The following HEATR6 variants were observed in gnomAD, a reference collection of about 807,000 sequenced individuals.
The protein encoded by HEATR6 is HEAT repeat-containing protein 6.
Under a neutral mutation model 132.8 loss-of-function variants are expected in HEATR6, and 106 were observed. The ratio of observed to expected loss-of-function variants is 0.80; its 90% CI spans 0.68 to 0.94. HEATR6 has a LOEUF of 0.94. Among genes scored for constraint, HEATR6 ranks in the 40% least tolerant of loss-of-function variants. The pLI is 0.00. For missense variants in HEATR6, 1,339 were observed against 1,425.1 expected (o/e 0.94, Z 0.97); for synonymous variants, 529 against 537.8 (o/e 0.98, Z 0.23).
chr17:60,075,914 G>C (rs2083293757), intron 2 of HEATR6: 1 of 362,374 alleles, frequency 2.8e-6, no homozygotes, highest in South Asian at 5.3e-5. Context: ...CAAACAGAAA[G>C]GCATACTTCT....
chr17:60,061,739 G>A (rs1308139533), intron 9 of HEATR6, among the ~76,000 whole-genome samples: 3 of 152,234 alleles, frequency 2.0e-5, no homozygotes, highest in Non-Finnish European at 4.4e-5. Context: ...ACCATTCTTA[G>A]CTAACAGGCT....
In HEATR6 at chr17:60,073,668, T is replaced by C. The variant is rs373906464; in HGVS notation, c.468+78A>G. The C allele has an allele frequency of 9.3e-6, 13 of 1,396,486 alleles. No homozygotes were observed. In the African/African-American group the frequency reaches 1.6e-4, roughly 17 times the overall value. 86.5% of individuals were successfully genotyped at this position (1,396,486 alleles called of 1,614,324 possible). A position where few individuals can be genotyped will look rare whatever the true frequency, so the allele number is the denominator to read the frequency against. Reference sequence around the variant, plus strand: ...GAATTGCTAGAGATTAGTGGCAAGATAGAAACCTGAACACAGTGTTGGCAC... The same window carrying C: ...GAATTGCTAGAGATTAGTGGCAAGACAGAAACCTGAACACAGTGTTGGCAC... On this transcript the variant is annotated intron_variant, in intron 3 of 19. Transcript: ENST00000184956.
chr17:60,070,069 ATTTGG>A (rs1174261086), intron 6 of HEATR6, among the ~76,000 whole-genome samples: 1 of 152,168 alleles, frequency 6.6e-6, no homozygotes, highest in Non-Finnish European at 1.5e-5. Flanking sequence ...CTCCAGCTGG[ATTTGG>A]TTTGGTCAGA....
chr17:60,064,305 TCAAACAAA>T (rs60109778), intron 9 of HEATR6: 14 of 164,336 alleles, frequency 8.5e-5, no homozygotes, highest in African/African-American at 2.9e-4. Context: ...AAACTCTGTC[TCAAACAAA>T]CAAACAAACA....
At chr17:60,055,947 C>T (rs1373536371) in intron 13 of HEATR6, among the ~76,000 whole-genome samples, 168 bp downstream of exon 13, 2 of 152,088 alleles carry the variant, frequency 1.3e-5, no homozygotes, top group African/African-American at 4.8e-5. Context: ...GAGCCGAAAA[C>T]AGAAGAATGC....
chr17:60,078,776 A>T lies in HEATR6; in HGVS notation c.139T>A (p.Ser47Thr). The T allele has an allele frequency of 6.3e-7, 1 of 1,578,722 alleles. No individual in the cohort carries two copies. The highest frequency in any genetic ancestry group is 8.6e-7 in the Non-Finnish European group (1 of 1,164,288). The change falls in exon 1 of 20, where the codon TCC becomes ACC. Residue 47 changes from serine to threonine, a missense_variant. Transcript: ENST00000184956. ...LCALRPDDSS[S>T]ARTEIHLLFD... ...AGCAGGTGGATCTCGGTGCGGGCGG[A>T]GCTGCTGTCATCCGGGCGCAGGGCG...
chr17:60,048,356 T>C lies in HEATR6; in HGVS notation c.2580A>G (p.Ala860=). The change falls in exon 17 of 20, where the codon GCA becomes GCG. Residue 860 remains alanine, a synonymous_variant. Transcript: ENST00000184956. ...DVIFVADAAN[A]ILMSLEDKSL... ...ACTTGTCTTCAAGTGACATCAATATTGCATTTGCTGCGTCTGCAACAAATA... is the reference window on the plus strand; with the variant it reads ...ACTTGTCTTCAAGTGACATCAATATCGCATTTGCTGCGTCTGCAACAAATA... The C allele has an allele frequency of 6.2e-7, 1 of 1,612,772 alleles. No homozygotes were observed. Among genetic ancestry groups the C allele is most frequent in the Non-Finnish European group, 8.5e-7 (1 of 1,178,978 alleles).
chr17:60,041,521 A>C lies in HEATR6; in HGVS notation c.*2042T>G, dbSNP rs763274549. On this transcript the variant is annotated 3_prime_UTR_variant, in exon 20 of 20. Coordinates refer to ENST00000184956, the MANE Select transcript of HEATR6 (RefSeq NM_022070.5). Reference sequence around the variant, plus strand: ...AGAGACGGAAGTTCCAAGATTCATCACAGGGTCAGGTGGGCTCAACTTAGT... The same window carrying C: ...AGAGACGGAAGTTCCAAGATTCATCCCAGGGTCAGGTGGGCTCAACTTAGT... Among the ~76,000 whole-genome samples, 16 of 152,186 alleles carry C rather than the reference A, an allele frequency of 1.1e-4. No individual in the cohort carries two copies. The highest frequency in any genetic ancestry group is 1.6e-4 in the Non-Finnish European group (11 of 68,032).
chr17:60,041,059 CT>C lies in HEATR6; in HGVS notation c.*2503del, dbSNP rs1180749520. ...AGTTGTCTTTATTGTCAGTGGCTTC[CT>C]TTCCCCACAGCAGCTTTATGGAGGC... On this transcript the variant is annotated 3_prime_UTR_variant, in exon 20 of 20. Coordinates refer to ENST00000184956, the MANE Select transcript of HEATR6 (RefSeq NM_022070.5). Among the ~76,000 whole-genome samples the C allele has an allele frequency of 6.6e-6, 1 of 152,190 alleles. No homozygotes were observed. Among genetic ancestry groups the C allele is most frequent in the Non-Finnish European group, 1.5e-5 (1 of 68,040 alleles).
chr17:60,048,983 AATATAT>A (rs35114523), intron 16 of HEATR6, among the ~76,000 whole-genome samples: 1,279 of 69,524 alleles, frequency 0.018, 24 homozygotes, highest in Non-Finnish European at 0.019. Flanking sequence ...ATATATATAT[AATATAT>A]ATATATATAT....
intron 14 of HEATR6, among the ~76,000 whole-genome samples, chr17:60,051,655 G>T (rs1041666055): frequency 6.6e-6 from 1 of 152,192 alleles, no homozygotes; most frequent in African/African-American, 2.4e-5. Flanking sequence ...CATGTCAACA[G>T]TTTCTTTTCC....
intron 17 of HEATR6, 107 bp from the exon 18 acceptor site, chr17:60,047,512 T>C (rs1417058924): frequency 1.4e-5 from 7 of 514,118 alleles, no homozygotes; most frequent in Middle Eastern, 5.0e-4. Context: ...AGGAAAACAG[T>C]TTAACAAATC....
rs775504063 is a variant in HEATR6, at chr17:60,057,317, G to A, written c.1810C>T (p.Gln604Ter). The change falls in exon 12 of 20, where the codon CAA (glutamine) becomes TAA (stop). Residue 604 changes from glutamine (Q) to a stop codon, truncating the protein, a stop_gained. Coordinates refer to ENST00000184956, the MANE Select transcript of HEATR6 (RefSeq NM_022070.5). LOFTEE classifies it high-confidence loss of function. ...CCGAGTCCAGAAGAACATGGCTGTT[G>A]CAGAAGTAGTTGGACTTCAGGTAAA... ...APLPEVQLLL[Q>*]QPCSSGLGNS... 4.3e-6 allele frequency: 7 copies of A among 1,614,058 alleles called. No individual in the cohort carries two copies. Among genetic ancestry groups the A allele is most frequent in the Non-Finnish European group, 5.1e-6 (6 of 1,180,014 alleles).
chr17:60,067,164 G>A (rs1005039565), intron 8 of HEATR6, among the ~76,000 whole-genome samples: 5 of 150,774 alleles, frequency 3.3e-5, no homozygotes, highest in African/African-American at 1.2e-4. Context: ...CAGCTACTCG[G>A]GAGGCTGAGG....
In HEATR6 at chr17:60,043,996, T is replaced by C. The variant is rs1180037965; in HGVS notation, c.3113A>G (p.Gln1038Arg). ...CAATGCATTCCAGATCCGAGCATACTGGTCAACAGACCCGTACTGCTCTCT... is the reference window on the plus strand; with the variant it reads ...CAATGCATTCCAGATCCGAGCATACCGGTCAACAGACCCGTACTGCTCTCT... ...GKREQYGSVD[Q>R]YARIWNALVT... The change falls in exon 20 of 20, where the codon CAG becomes CGG. Residue 1038 changes from glutamine to arginine, a missense_variant. Coordinates refer to ENST00000184956, the MANE Select transcript of HEATR6 (RefSeq NM_022070.5). The C allele has an allele frequency of 1.9e-6, 3 of 1,614,058 alleles. No homozygotes were observed. The African/African-American group carries it at 4.0e-5, about 22-fold the overall frequency.
chr17:60,068,143 T>C (rs1021074562), intron 7 of HEATR6, among the ~76,000 whole-genome samples: 2 of 152,204 alleles, frequency 1.3e-5, no homozygotes, highest in African/African-American at 2.4e-5. Flanking sequence ...TTAAAGCCTA[T>C]AGAAAATGAC....
chr17:60,059,967 T>C lies in HEATR6; in HGVS notation c.1546A>G (p.Ile516Val), dbSNP rs1198232139. The C allele has an allele frequency of 1.9e-6, 3 of 1,613,814 alleles. No homozygotes were observed. Among genetic ancestry groups the C allele is most frequent in the Admixed American group, 1.7e-5 (1 of 59,988 alleles). The change falls in exon 10 of 20, where the codon ATT (isoleucine) becomes GTT (valine). Residue 516 changes from isoleucine to valine, a missense_variant. By Grantham distance (29) the Ile-to-Val change is conservative. Coordinates refer to ENST00000184956, the MANE Select transcript of HEATR6 (RefSeq NM_022070.5). ...TPFSVMIACS[I>V]RELHRCLLLA... is the part of the protein sequence containing the mutation. The stretch of plus-strand genomic sequence containing the variant: ...AAAAGACATCTGTGCAACTCTCTAA[T>C]GCTGCAAGCGATCATTACGGAGAAG...
chr17:60,054,090 T>C (rs191119543), intron 14 of HEATR6, among the ~76,000 whole-genome samples: 22 of 152,160 alleles, frequency 1.4e-4, no homozygotes, highest in African/African-American at 5.1e-4. Flanking sequence ...AGGAGGAAAG[T>C]GGTTTTGGAG....
intron 9 of HEATR6, chr17:60,063,906 T>C (rs564207421): frequency 6.6e-6 from 1 of 152,360 alleles, no homozygotes; most frequent in East Asian, 1.9e-4. Context: ...CCTGGAGTCA[T>C]GGCAGCTCTT....
Sources: gnomAD v4.1 joint callset for allele counts (sites outside exome capture counted in the v4.1 genomes callset) on GRCh38, gnomAD v4.1.1 for gene constraint, MANE v1.5 for transcripts, NCBI Gene and HGNC (gene_info 2026-07-23, HGNC 2026-07-21) for gene names.